Variants in SUGCT observed in about 807,000 individuals in gnomAD.
SUGCT encodes succinyl-CoA:glutarate-CoA transferase.
SUGCT carries 41 observed loss-of-function variants against 55.0 expected under a neutral mutation model. The observed-to-expected ratio is 0.74, with a 90% CI of 0.58 to 0.97. The LOEUF (loss-of-function observed/expected upper bound fraction) is 0.97, where lower values mean the gene tolerates loss of function less well. Among genes scored for constraint, SUGCT ranks in the 50% least tolerant of loss-of-function variants. The pLI is 0.00. For missense variants in SUGCT, 568 were observed against 547.8 expected (o/e 1.04, Z -0.37); for synonymous variants, 187 against 200.4 (o/e 0.93, Z 0.56).
chr7:41,004,507 A>G, the SUGCT span, among the ~76,000 whole-genome samples: 1 of 152,190 alleles, frequency 6.6e-6, no homozygotes, highest in South Asian at 2.1e-4. Context: ...TGGGAGACAC[A>G]TTGTTGCAGC....
At chr7:40,972,392 A>T in the SUGCT span, among the ~76,000 whole-genome samples, 1 of 152,258 alleles carries the variant, frequency 6.6e-6, no homozygotes, top group Non-Finnish European at 1.5e-5. Flanking sequence ...GGTAGAAGAC[A>T]TAAGATGTTG....
chr7:40,820,712 C>G (rs1307569087), intron 13 of SUGCT, among the ~76,000 whole-genome samples: 1 of 152,180 alleles, frequency 6.6e-6, no homozygotes, highest in Non-Finnish European at 1.5e-5. Flanking sequence ...CATCTGCAAA[C>G]AGGGACAATT....
chr7:40,312,355 C>T (rs11767975), intron 8 of SUGCT, among the ~76,000 whole-genome samples: 3,269 of 152,160 alleles, frequency 0.021, 62 homozygotes, highest in South Asian at 0.03. Context: ...TATTTTTATT[C>T]TGTGTTCCTT....
intron 12 of SUGCT, among the ~76,000 whole-genome samples, chr7:40,648,985 A>G (rs1800651196): frequency 6.6e-6 from 1 of 152,228 alleles, no homozygotes; most frequent in African/African-American, 2.4e-5. Context: ...CTTTGAACAA[A>G]TTTATGAAAC....
At chr7:40,240,900 C>T (rs574904025) in intron 7 of SUGCT, among the ~76,000 whole-genome samples, 3 of 152,080 alleles carry the variant, frequency 2.0e-5, no homozygotes, top group South Asian at 2.1e-4. Context: ...AAGCATTAGC[C>T]GATTAGCATT....
chr7:40,277,704 A>ATTAT (rs1562639268), intron 8 of SUGCT, among the ~76,000 whole-genome samples: 2 of 148,228 alleles, frequency 1.3e-5, no homozygotes, highest in African/African-American at 2.5e-5. Flanking sequence ...TATTATTATT[A>ATTAT]TACTTTAAGT....
At chr7:40,407,822 A>G (rs534266764) in intron 9 of SUGCT, among the ~76,000 whole-genome samples, 1 of 152,238 alleles carries the variant, frequency 6.6e-6, no homozygotes, top group East Asian at 1.9e-4. Context: ...TTAAAACAGG[A>G]CATATTCTCT....
intron 7 of SUGCT, among the ~76,000 whole-genome samples, chr7:40,255,736 T>A (rs10248078): frequency 0.4 from 60,369 of 150,276 alleles, 12,672 homozygotes; most frequent in East Asian, 0.5. Context: ...CTTTGCATAT[T>A]TTCCTTTATT....
intron 13 of SUGCT, among the ~76,000 whole-genome samples, chr7:40,848,500 G>A (rs545700780): frequency 1.2e-4 from 18 of 152,016 alleles, no homozygotes; most frequent in Admixed American, 1.0e-3. Flanking sequence ...CCTCATTTCC[G>A]TTATCTGCAG....
the SUGCT span, among the ~76,000 whole-genome samples, chr7:40,898,072 C>T: frequency 6.6e-6 from 1 of 152,134 alleles, no homozygotes; most frequent in African/African-American, 2.4e-5. Context: ...CTTGGGTCCA[C>T]GCTGTCTTTA....
chr7:40,201,380 C>T (rs1344532242), intron 6 of SUGCT, among the ~76,000 whole-genome samples: 1 of 152,068 alleles, frequency 6.6e-6, no homozygotes, highest in Non-Finnish European at 1.5e-5. Flanking sequence ...AATAAATAAT[C>T]AATATGGAGA....
intron 13 of SUGCT, among the ~76,000 whole-genome samples, chr7:40,849,630 A>G (rs1331562573): frequency 6.6e-6 from 1 of 152,172 alleles, no homozygotes; most frequent in East Asian, 1.9e-4. Flanking sequence ...TAGCTAGAGT[A>G]GCTTGGGGTG....
At chr7:40,145,983 T>A (rs1239710549) in intron 1 of SUGCT, among the ~76,000 whole-genome samples, 1 of 152,210 alleles carries the variant, frequency 6.6e-6, no homozygotes, top group African/African-American at 2.4e-5. Context: ...AAGATTTAGA[T>A]CCTGTTAGGA....
At chr7:40,576,123 C>T (rs557542904) in intron 12 of SUGCT, among the ~76,000 whole-genome samples, 1 of 152,198 alleles carries the variant, frequency 6.6e-6, no homozygotes, top group Admixed American at 6.5e-5. Flanking sequence ...CTTTCATTTA[C>T]ATAAAATAAA....
At chr7:40,712,657 C>A (rs1182817934) in intron 12 of SUGCT, among the ~76,000 whole-genome samples, 1 of 152,218 alleles carries the variant, frequency 6.6e-6, no homozygotes, top group African/African-American at 2.4e-5. Context: ...TAATTGCTAT[C>A]TTTCCAGAAA....
intron 12 of SUGCT, among the ~76,000 whole-genome samples, chr7:40,533,561 C>CTGT (rs1469465327): frequency 6.6e-6 from 1 of 152,020 alleles, no homozygotes; most frequent in East Asian, 1.9e-4. Context: ...TTCTAAAGAA[C>CTGT]TACTTCTAAT....
intron 7 of SUGCT, among the ~76,000 whole-genome samples, chr7:40,259,761 A>G (rs958465043): frequency 1.4e-4 from 21 of 152,080 alleles, no homozygotes; most frequent in African/African-American, 5.1e-4. Flanking sequence ...TGAAGATTCT[A>G]TTTTTGGTTT....
intron 9 of SUGCT, among the ~76,000 whole-genome samples, chr7:40,319,523 T>C (rs1055139773): frequency 3.4e-4 from 52 of 152,224 alleles, no homozygotes; most frequent in Non-Finnish European, 1.6e-4. Context: ...CAGGAGTTAC[T>C]TGAGGTGCCT....
intron 12 of SUGCT, among the ~76,000 whole-genome samples, chr7:40,707,232 C>CT (rs75832510): frequency 0.011 from 1,403 of 132,962 alleles, 8 homozygotes; most frequent in African/African-American, 0.014. Flanking sequence ...GCAAAATCTA[C>CT]TTTTTTTTTT....
Sources: gnomAD v4.1 joint callset for allele counts (sites outside exome capture counted in the v4.1 genomes callset) on GRCh38, gnomAD v4.1.1 for gene constraint, MANE v1.5 for transcripts, NCBI Gene and HGNC (gene_info 2026-07-23, HGNC 2026-07-21) for gene names.